USP3: variants seen among roughly 807,000 people sequenced by gnomAD.
The protein encoded by USP3 is ubiquitin carboxyl-terminal hydrolase 3.
USP3 carries 20 observed loss-of-function variants against 72.3 expected under a neutral mutation model. That is an observed-to-expected ratio of 0.28 (90% CI 0.19 to 0.40). The LOEUF (loss-of-function observed/expected upper bound fraction) is 0.40. Among genes scored for constraint, USP3 ranks in the 10% least tolerant of loss-of-function variants. USP3 has a pLI of 1.00. For synonymous variants in USP3, 222 were observed against 225.3 expected, an observed-to-expected ratio of 0.99 and a Z score of 0.13; for missense variants, 479 against 633.9, an observed-to-expected ratio of 0.76 and a Z score of 2.62.
intron 3 of USP3, among the ~76,000 whole-genome samples, chr15:63,542,774 A>G (rs527258190): frequency 6.6e-6 from 1 of 152,190 alleles, no homozygotes. Flanking sequence ...CCATTATATC[A>G]GAAACGAGAC....
chr15:63,554,354 A>T (rs991042325), intron 4 of USP3, among the ~76,000 whole-genome samples: 3 of 152,230 alleles, frequency 2.0e-5, no homozygotes, highest in Non-Finnish European at 4.4e-5. Context: ...CATCATAAAG[A>T]AATGAAACTA....
rs1004018349 is a variant in USP3 at position 63,544,057 on chromosome 15, A to G, written c.284+6901A>G. 4.0e-5 allele frequency among the ~76,000 whole-genome samples: 6 copies of G among 151,600 alleles called. No individual in the cohort carries two copies. The highest frequency in any genetic ancestry group is 1.5e-4 in the African/African-American group (6 of 41,298). On this transcript the variant is annotated intron_variant, in intron 3 of 14. Transcript: ENST00000380324. This position sits in a 1 kb window ranked among gnomAD's most constrained non-coding sequence, Gnocchi z 4.2. ...AGACACTGTCTTTAAAAAAAAAAAAAAAGGAAATTAGTTTAATAATAGTAT... is the reference window on the plus strand; with the variant it reads ...AGACACTGTCTTTAAAAAAAAAAAAGAAGGAAATTAGTTTAATAATAGTAT...
At chr15:63,513,598 C>T (rs1239067412) in intron 1 of USP3, among the ~76,000 whole-genome samples, 1 of 152,102 alleles carries the variant, frequency 6.6e-6, no homozygotes, top group Non-Finnish European at 1.5e-5. Flanking sequence ...AGGTCTTGAA[C>T]TTCTGACTCT....
chr15:63,504,998 C>T (rs957682761), intron 1 of USP3, among the ~76,000 whole-genome samples, 168 bp downstream of exon 1: 2 of 150,348 alleles, frequency 1.3e-5, no homozygotes, highest in Admixed American at 6.6e-5. Flanking sequence ...CGTGCGGGAG[C>T]GGCGGCGGCT....
At chr15:63,515,646 T>A (rs2065841188) in intron 1 of USP3, 1 of 152,254 alleles carries the variant, frequency 6.6e-6, no homozygotes, top group South Asian at 2.1e-4. Context: ...AAACTGCTAT[T>A]CTAATTTTTA....
intron 1 of USP3, among the ~76,000 whole-genome samples, chr15:63,509,496 TG>T (rs931551079): frequency 6.6e-6 from 1 of 152,186 alleles, no homozygotes; most frequent in African/African-American, 2.4e-5. Flanking sequence ...TGTGTTCTTT[TG>T]GCAGTCTGTA....
chr15:63,567,573 C>T (rs1051372796), intron 8 of USP3, among the ~76,000 whole-genome samples: 140 of 152,226 alleles, frequency 9.2e-4, no homozygotes, highest in African/African-American at 3.1e-3. Context: ...GTCTCGATCT[C>T]CTGACCTCAT....
chr15:63,526,268 T>G (rs1183029169), intron 1 of USP3, among the ~76,000 whole-genome samples: 1 of 152,206 alleles, frequency 6.6e-6, no homozygotes, highest in African/African-American at 2.4e-5. Flanking sequence ...AGTTTTAGTT[T>G]CCTGGACGAC....
At chr15:63,523,186 G>A (rs1247897195) in intron 1 of USP3, among the ~76,000 whole-genome samples, 1 of 152,112 alleles carries the variant, frequency 6.6e-6, no homozygotes, top group African/African-American at 2.4e-5. Context: ...TGGTGTAGGA[G>A]GATTTTGAGG....
chr15:63,542,856 A>G (rs1414765378), intron 3 of USP3, among the ~76,000 whole-genome samples: 1 of 152,210 alleles, frequency 6.6e-6, no homozygotes, highest in East Asian at 1.9e-4. Context: ...TAGCCATTGC[A>G]GTAAGACAGT....
chr15:63,560,620 G>T (rs1180336949), intron 7 of USP3, among the ~76,000 whole-genome samples: 2 of 151,750 alleles, frequency 1.3e-5, no homozygotes, highest in African/African-American at 4.8e-5. Flanking sequence ...ACCTGTCTTG[G>T]ATACTGAAAT....
intron 11 of USP3, among the ~76,000 whole-genome samples, chr15:63,581,343 TTTTGTGTGTGTGTG>T (rs1326496056): frequency 1.5e-4 from 20 of 132,380 alleles, no homozygotes; most frequent in African/African-American, 5.4e-4. Context: ...TTGTGTTGGT[TTTTGTGTGTGTGTG>T]TGTGTGTGTG....
intron 11 of USP3, among the ~76,000 whole-genome samples, chr15:63,581,574 G>GTTT (rs2066964283): frequency 3.1e-5 from 4 of 130,314 alleles, no homozygotes; most frequent in South Asian, 2.3e-4. Flanking sequence ...TTTTTTTTTG[G>GTTT]ATTTTTGGTA....
intron 1 of USP3, among the ~76,000 whole-genome samples, chr15:63,524,197 G>C (rs1366966634): frequency 6.6e-6 from 1 of 152,232 alleles, no homozygotes; most frequent in Non-Finnish European, 1.5e-5. Context: ...GACAGTGGCA[G>C]CTTAGTTGAA....
intron 3 of USP3, chr15:63,542,140 A>G: frequency 1.0e-6 from 1 of 985,110 alleles, no homozygotes; most frequent in Non-Finnish European, 1.2e-6. Flanking sequence ...TAACTTCAAT[A>G]GCACTAACAA....
chr15:63,508,396 C>CA (rs1264825015), intron 1 of USP3, among the ~76,000 whole-genome samples: 1 of 151,990 alleles, frequency 6.6e-6, no homozygotes, highest in Non-Finnish European at 1.5e-5. Flanking sequence ...CCTTTGCTGC[C>CA]AAAAAAGTTA....
intron 3 of USP3, 150 bp downstream of exon 3, chr15:63,537,306 C>T (rs904842992): frequency 1.3e-5 from 12 of 918,938 alleles, no homozygotes; most frequent in South Asian, 1.2e-4. Context: ...CCATTGGGAA[C>T]GCCTATCTTT....
chr15:63,559,002 C>G (rs536948859), intron 6 of USP3, among the ~76,000 whole-genome samples: 1 of 152,324 alleles, frequency 6.6e-6, no homozygotes, highest in East Asian at 1.9e-4. Flanking sequence ...CCCTGGGTTA[C>G]AGAGAGCCTT....
chr15:63,581,379 G>T (rs1363413373), intron 11 of USP3, among the ~76,000 whole-genome samples: 1 of 142,676 alleles, frequency 7.0e-6, no homozygotes, highest in Non-Finnish European at 1.5e-5. Context: ...GTGTGTGTGT[G>T]TGTGTGTGTG....
Sources: gnomAD v4.1 joint callset for allele counts (sites outside exome capture counted in the v4.1 genomes callset) on GRCh38, gnomAD v4.1.1 for gene constraint, Gnocchi (gnomAD v3.1) non-coding constraint, MANE v1.5 for transcripts, NCBI Gene and HGNC (gene_info 2026-07-23, HGNC 2026-07-21) for gene names.